The following F2RL2 variants were observed in gnomAD, a reference collection of about 807,000 sequenced individuals.
F2RL2 encodes the protein proteinase-activated receptor 3.
F2RL2 carries 4 observed loss-of-function variants against 4.3 expected under a neutral mutation model. The ratio of observed to expected loss-of-function variants is 0.93; its 90% CI spans 0.46 to 2.12. The LOEUF (loss-of-function observed/expected upper bound fraction) is 2.12. F2RL2 is among the 30% of genes most tolerant of loss of function. The pLI, the probability that F2RL2 is intolerant of heterozygous loss-of-function variation, is 0.02. For synonymous variants in F2RL2, 166 were observed against 170.9 expected, an observed-to-expected ratio of 0.97 and a Z score of 0.22; for missense variants, 408 against 449.3, an observed-to-expected ratio of 0.91 and a Z score of 0.83.
intron 1 of F2RL2, among the ~76,000 whole-genome samples, chr5:76,622,708 A>G (rs1749820777): frequency 6.6e-6 from 1 of 152,210 alleles, no homozygotes; most frequent in Non-Finnish European, 1.5e-5. Flanking sequence ...TTTCGGAAAT[A>G]CTGACTTATT....
rs1296562942 is a variant in F2RL2, at chr5:76,623,216, G to T, written c.15C>A (p.Ile5=). ...GAAGCAGGAGGCCAGCAGCTGCAAAGATGAGGGCTTTCATTTTGATGACCT... is the reference window on the plus strand; with the variant it reads ...GAAGCAGGAGGCCAGCAGCTGCAAATATGAGGGCTTTCATTTTGATGACCT... The part of the protein sequence containing the change: MKAL[I]FAAAGLLLLL... The change falls in exon 1 of 2, where the codon ATC becomes ATA. Residue 5 remains isoleucine, a synonymous_variant. Transcript: ENST00000296641. 2 of 1,614,102 alleles carry T rather than the reference G, an allele frequency of 1.2e-6. No individual in the cohort carries two copies. The highest frequency in any genetic ancestry group is 1.7e-6 in the Non-Finnish European group (2 of 1,180,044).
chr5:76,620,475 G>A (rs1023503288), intron 1 of F2RL2, among the ~76,000 whole-genome samples: 2 of 152,178 alleles, frequency 1.3e-5, no homozygotes, highest in African/African-American at 4.8e-5. Context: ...GAGTTGGAGG[G>A]AGACAAGGAG....
Position 76,617,930 on chromosome 5 carries a change from T to A in F2RL2, c.777A>T (p.Gln259His). 6.2e-7 allele frequency: 1 copy of A among 1,613,200 alleles called. No individual in the cohort carries two copies. ...ATGCCAAGGAGATGAAGTAATAGAG[T>A]TGGAAGGGAGATGAGGACTCGCAAG... ...HNTCESSSPFQLYYFISLAFF... is the reference protein window; with the variant it reads ...HNTCESSSPFHLYYFISLAFF... The change falls in exon 2 of 2, where the codon CAA becomes CAT. Residue 259 changes from glutamine to histidine, a missense_variant. Transcript: ENST00000296641.
At position 76,615,629 on chromosome 5, in the gene F2RL2, C is replaced by T. The variant is rs182754102; in HGVS notation, c.*1953G>A. On this transcript the variant is annotated 3_prime_UTR_variant, in exon 2 of 2. Coordinates refer to ENST00000296641, the MANE Select transcript of F2RL2 (RefSeq NM_004101.4). Reference sequence around the variant, plus strand: ...TTTATATTCACTACTATCATTCACTCTTTACCACTAATATCTTCCCTGCTG... The same window carrying T: ...TTTATATTCACTACTATCATTCACTTTTTACCACTAATATCTTCCCTGCTG... 8 of 152,184 alleles carry T rather than the reference C, an allele frequency of 5.3e-5. No homozygotes were observed. The highest frequency in any genetic ancestry group is 1.7e-4 in the African/African-American group (7 of 41,448). The allele number at this position is 152,184 out of a possible 1,614,324, so 9.4% of individuals were successfully genotyped here.
At position 76,617,825 on chromosome 5, in the gene F2RL2, A is replaced by G. The variant is rs1171563217; in HGVS notation, c.882T>C (p.His294=). 6.2e-7 allele frequency: 1 copy of G among 1,613,908 alleles called. No homozygotes were observed. Among genetic ancestry groups the G allele is most frequent in the African/African-American group, 1.3e-5 (1 of 74,904 alleles). ...AIIRTLNAYD[H]RWLWYVKASL... ...TCGCCTTAACATACCACAACCATCT[A>G]TGATCGTATGCATTAAGTGTCCGGA... Residue 294 remains histidine, a synonymous_variant, in exon 2 of 2, where the codon CAT becomes CAC. Transcript: ENST00000296641.
chr5:76,621,666 G>A (rs1046540352), intron 1 of F2RL2, among the ~76,000 whole-genome samples: 1 of 152,172 alleles, frequency 6.6e-6, no homozygotes, highest in African/African-American at 2.4e-5. Context: ...CCTGTGTTTT[G>A]TGGAAAAGTT....
At position 76,616,517 on chromosome 5, in the gene F2RL2, G is replaced by A. The variant is rs72777533; in HGVS notation, c.*1065C>T. On this transcript the variant is annotated 3_prime_UTR_variant, in exon 2 of 2. Transcript: ENST00000296641. ...GGAAGATTAATCTGGCAGGACTTGT[G>A]AAGTGGTGGAGGGTAGGCTGGCAGT... The A allele has an allele frequency of 8.9e-3, 1,371 of 153,340 alleles. 14 individuals are homozygous for A. The highest frequency in any genetic ancestry group is 0.03 in the Middle Eastern group (9 of 304). 9.5% of individuals were successfully genotyped at this position (153,340 alleles called of 1,614,324 possible).
chr5:76,619,617 C>T (rs1209669658), intron 1 of F2RL2, among the ~76,000 whole-genome samples: 11 of 150,984 alleles, frequency 7.3e-5, no homozygotes, highest in East Asian at 2.0e-4. Context: ...CCCGGGTTCA[C>T]GCCATTCTCC....
At chr5:76,618,798 AT>A (rs1430850282) in intron 1 of F2RL2, among the ~76,000 whole-genome samples, 156 bp from the exon 2 acceptor site, 6 of 152,216 alleles carry the variant, frequency 3.9e-5, no homozygotes, top group African/African-American at 1.4e-4. Context: ...CATATATTTA[AT>A]ACATATCATA....
In F2RL2 at chr5:76,617,921, G is replaced by A; in HGVS notation, c.786C>T (p.Tyr262=). The A allele has an allele frequency of 6.2e-7, 1 of 1,614,118 alleles. No homozygotes were observed. The highest frequency in any genetic ancestry group is 2.2e-5 in the East Asian group (1 of 44,880). ...ATCCAAAGAATGCCAAGGAGATGAA[G>A]TAATAGAGTTGGAAGGGAGATGAGG... is the stretch of plus-strand genomic sequence containing the variant. ...CESSSPFQLY[Y]FISLAFFGFL... Residue 262 remains tyrosine (Y), a synonymous_variant, in exon 2 of 2, where the codon TAC becomes TAT. Coordinates refer to ENST00000296641, the MANE Select transcript of F2RL2 (RefSeq NM_004101.4).
Position 76,618,123 on chromosome 5 carries a change from A to G in F2RL2, c.584T>C (p.Ile195Thr). The G allele has an allele frequency of 1.2e-6, 2 of 1,614,160 alleles. No individual in the cohort carries two copies. Among genetic ancestry groups the G allele is most frequent in the Non-Finnish European group, 1.7e-6 (2 of 1,180,042 alleles). Reference protein sequence around the residue: ...ACISINRYLAIVHPFTYRGLP... With the variant: ...ACISINRYLATVHPFTYRGLP... ...GCCCCGGTAGGTGAAAGGATGGACG[A>G]TGGCCAGGTAGCGGTTGATGCTGAT... is the stretch of plus-strand genomic sequence containing the variant. Residue 195 changes from isoleucine to threonine, a missense_variant, in exon 2 of 2, where the codon ATC becomes ACC. By Grantham distance (89) the Ile-to-Thr change is moderately conservative. Coordinates refer to ENST00000296641, the MANE Select transcript of F2RL2 (RefSeq NM_004101.4).
intron 1 of F2RL2, among the ~76,000 whole-genome samples, chr5:76,622,169 GC>G (rs2150365242): frequency 6.7e-6 from 1 of 149,004 alleles, no homozygotes; most frequent in African/African-American, 2.6e-5. Context: ...TCCTTCAGAG[GC>G]CCCCGTTTTC....
At chr5:76,619,846 T>C (rs1334901376) in intron 1 of F2RL2, among the ~76,000 whole-genome samples, 3 of 152,134 alleles carry the variant, frequency 2.0e-5, no homozygotes, top group African/African-American at 7.2e-5. Flanking sequence ...GAGATTTTCC[T>C]GGATTGCCTG....
Position 76,618,264 on chromosome 5 carries a change from A to G in F2RL2, c.443T>C (p.Phe148Ser). The change falls in exon 2 of 2, where the codon TTT becomes TCT. Residue 148 changes from phenylalanine (F) to serine (S), a missense_variant. By Grantham distance (155) the Phe-to-Ser change is radical. Transcript: ENST00000296641. ...ADFLFCVTLP[F>S]KIAYHLNGNN... The stretch of plus-strand genomic sequence containing the variant: ...CCCATTGAGATGATAAGCTATCTTA[A>G]AGGGCAATGTAACACAAAAAAGAAA... 6.2e-7 allele frequency: 1 copy of G among 1,614,222 alleles called. No individual in the cohort carries two copies. Among genetic ancestry groups the G allele is most frequent in the African/African-American group, 1.3e-5 (1 of 75,058 alleles).
chr5:76,618,604 A>G lies in F2RL2; in HGVS notation c.103T>C (p.Leu35=). The change falls in exon 2 of 2, where the codon TTA becomes CTA. Residue 35 remains leucine, a synonymous_variant. Coordinates refer to ENST00000296641, the MANE Select transcript of F2RL2 (RefSeq NM_004101.4). The part of the protein sequence containing the change: ...NDTNNLAKPT[L]PIKTFRGAPP... ...GCTCCACGAAAGGTCTTAATGGGTA[A>G]GGTTGGCTTTGCCAAGTTGTTTGTA... 1 of 1,613,594 alleles carries G rather than the reference A, an allele frequency of 6.2e-7. No individual in the cohort carries two copies. The highest frequency in any genetic ancestry group is 2.2e-5 in the East Asian group (1 of 44,882).
In F2RL2 at chr5:76,616,578, G is replaced by T. The variant is rs922594150; in HGVS notation, c.*1004C>A. The stretch of plus-strand genomic sequence containing the variant: ...GTTAGAAGGTAGAGGTGGCCTGGAC[G>T]TAGTGGCTCATGCCTGTAGTCCCAG... On this transcript the variant is annotated 3_prime_UTR_variant, in exon 2 of 2. Transcript: ENST00000296641. 3 of 152,864 alleles carry T rather than the reference G, an allele frequency of 2.0e-5. No individual in the cohort carries two copies. The highest frequency in any genetic ancestry group is 7.2e-5 in the African/African-American group (3 of 41,436). The allele number at this position is 152,864 out of a possible 1,614,324, so 9.5% of individuals were successfully genotyped here. A position where few individuals can be genotyped will look rare whatever the true frequency, so the allele number is the denominator to read the frequency against.
rs1379761842 is a variant in F2RL2, at chr5:76,617,800, T to G, written c.907A>C (p.Ser303Arg). The G allele has an allele frequency of 1.2e-6, 2 of 1,613,732 alleles. No homozygotes were observed. The highest frequency in any genetic ancestry group is 2.2e-5 in the South Asian group (2 of 91,042). ...GTAAAAATCACAAGGATGAGGAGAC[T>G]CGCCTTAACATACCACAACCATCTA... ...DHRWLWYVKA[S>R]LLILVIFTIC... Residue 303 changes from serine to arginine, a missense_variant, in exon 2 of 2, where the codon AGT (serine) becomes CGT (arginine). Coordinates refer to ENST00000296641, the MANE Select transcript of F2RL2 (RefSeq NM_004101.4).
Position 76,618,392 on chromosome 5 carries a change from A to C in F2RL2, c.315T>G (p.Phe105Leu). The stretch of plus-strand genomic sequence containing the variant: ...CAGCATTGGCCGGGACACCAACTAC[A>C]AACACCAGGAGGTAGATGGCAGGTA... ...KLIPAIYLLV[F>L]VVGVPANAVT... The change falls in exon 2 of 2, where the codon TTT becomes TTG. Residue 105 changes from phenylalanine (F) to leucine (L), a missense_variant. Transcript: ENST00000296641. 6.2e-7 allele frequency: 1 copy of C among 1,614,226 alleles called. No individual in the cohort carries two copies. The highest frequency in any genetic ancestry group is 8.5e-7 in the Non-Finnish European group (1 of 1,180,022).
rs141898089 is a variant in F2RL2 at position 76,618,256 on chromosome 5, C to T, written c.451G>A (p.Ala151Thr). 53 of 1,614,014 alleles carry T rather than the reference C, an allele frequency of 3.3e-5. No individual in the cohort carries two copies. In the African/African-American group the frequency reaches 6.4e-4, roughly 20 times the overall value. The change falls in exon 2 of 2, where the codon GCT becomes ACT. Residue 151 changes from alanine to threonine, a missense_variant. Physicochemically the swap from Ala to Thr is moderately conservative, Grantham distance 58. Coordinates refer to ENST00000296641, the MANE Select transcript of F2RL2 (RefSeq NM_004101.4). ...CAGTTGTTCCCATTGAGATGATAAGCTATCTTAAAGGGCAATGTAACACAA... is the reference window on the plus strand; with the variant it reads ...CAGTTGTTCCCATTGAGATGATAAGTTATCTTAAAGGGCAATGTAACACAA... ...LFCVTLPFKI[A>T]YHLNGNNWVF...
Sources: gnomAD v4.1 joint callset for allele counts (sites outside exome capture counted in the v4.1 genomes callset) on GRCh38, gnomAD v4.1.1 for gene constraint, MANE v1.5 for transcripts, NCBI Gene and HGNC (gene_info 2026-07-23, HGNC 2026-07-21) for gene names.